The following SPECC1 variants were observed in gnomAD, a reference collection of about 807,000 sequenced individuals.
SPECC1 encodes the protein sperm antigen with calponin homology and coiled-coil domains 1.
Under a neutral mutation model 104.1 loss-of-function variants are expected in SPECC1, and 62 were observed. The ratio of observed to expected loss-of-function variants is 0.60; its 90% CI spans 0.49 to 0.74. The LOEUF is 0.74. SPECC1 is among the 30% of genes least tolerant of loss of function. SPECC1 has a pLI of 0.00. For missense variants in SPECC1, 1,306 were observed against 1,310.5 expected, an observed-to-expected ratio of 1.00 and a Z score of 0.05; for synonymous variants, 513 against 501.6, an observed-to-expected ratio of 1.02 and a Z score of -0.30.
chr17:20,301,025 G>A (rs2041558860), intron 13 of SPECC1, among the ~76,000 whole-genome samples: 1 of 152,080 alleles, frequency 6.6e-6, no homozygotes, highest in African/African-American at 2.4e-5. Flanking sequence ...TTTCCTAAAT[G>A]CCCCATCCTG....
intron 5 of SPECC1, among the ~76,000 whole-genome samples, chr17:20,228,660 TC>T (rs1373161926): frequency 6.6e-6 from 1 of 152,204 alleles, no homozygotes; most frequent in African/African-American, 2.4e-5. Flanking sequence ...CCCGCATGTG[TC>T]CCATTGGTGG....
chr17:20,293,097 T>C (rs2041227113), intron 12 of SPECC1, among the ~76,000 whole-genome samples: 2 of 152,198 alleles, frequency 1.3e-5, no homozygotes, highest in Non-Finnish European at 2.9e-5. Flanking sequence ...CCATCTCTTT[T>C]GACCTCAGTT....
intron 9 of SPECC1, 72 bp from the exon 10 acceptor site, chr17:20,253,433 C>A: frequency 1.4e-6 from 2 of 1,459,298 alleles, no homozygotes; most frequent in Non-Finnish European, 9.6e-7. Flanking sequence ...CGCATGCACA[C>A]ACACACATCT....
At chr17:20,185,470 A>C (rs143648839) in intron 3 of SPECC1, among the ~76,000 whole-genome samples, 1 of 152,368 alleles carries the variant, frequency 6.6e-6, no homozygotes, top group African/African-American at 2.4e-5. Context: ...TCCAGCCCAC[A>C]GTCCGTGGAG....
intron 1 of SPECC1, among the ~76,000 whole-genome samples, chr17:20,049,841 G>A (rs1283077010): frequency 1.3e-5 from 2 of 149,028 alleles, no homozygotes; most frequent in Non-Finnish European, 3.0e-5. Flanking sequence ...TAATTTTTTT[G>A]AGTTGAAGTT....
At chr17:20,098,992 G>C (rs868469234) in intron 2 of SPECC1, among the ~76,000 whole-genome samples, 8 of 152,272 alleles carry the variant, frequency 5.3e-5, no homozygotes, top group Middle Eastern at 3.4e-3. Flanking sequence ...GAGGAGCTTG[G>C]GGGCGTGGGG....
intron 12 of SPECC1, among the ~76,000 whole-genome samples, chr17:20,284,789 C>G (rs1240064386): frequency 6.6e-6 from 1 of 152,196 alleles, no homozygotes; most frequent in African/African-American, 2.4e-5. Context: ...TGGGAAAACC[C>G]CAGAGAGATT....
chr17:20,134,180 C>T (rs187715746), intron 3 of SPECC1, among the ~76,000 whole-genome samples: 2 of 151,316 alleles, frequency 1.3e-5, no homozygotes, highest in Non-Finnish European at 1.5e-5. Flanking sequence ...TAAAGCCACA[C>T]CTCCAATTTC....
At chr17:20,310,983 T>C (rs1337864288) in intron 14 of SPECC1, among the ~76,000 whole-genome samples, 1 of 152,120 alleles carries the variant, frequency 6.6e-6, no homozygotes, top group Non-Finnish European at 1.5e-5. Flanking sequence ...ACATGGCTTA[T>C]GAGCGGGAAA....
chr17:20,069,903 A>C (rs1030518467), intron 1 of SPECC1, among the ~76,000 whole-genome samples: 2 of 152,104 alleles, frequency 1.3e-5, no homozygotes, highest in Non-Finnish European at 2.9e-5. Flanking sequence ...GTTTCTGAGT[A>C]TATTTGGATT....
chr17:20,160,738 C>A (rs571559068), intron 3 of SPECC1, among the ~76,000 whole-genome samples: 2 of 152,214 alleles, frequency 1.3e-5, no homozygotes, highest in African/African-American at 4.8e-5. Context: ...ATGGTAGTTA[C>A]CTCTACAATT....
intron 1 of SPECC1, among the ~76,000 whole-genome samples, chr17:20,065,550 C>T (rs1165846282): frequency 6.6e-6 from 1 of 152,212 alleles, no homozygotes; most frequent in Non-Finnish European, 1.5e-5. Flanking sequence ...CACGCCTTCC[C>T]TGGGTGCACT....
At position 20,247,206 on chromosome 17, in the gene SPECC1, T is replaced by G. The variant is rs1458065099; in HGVS notation, c.2498-13T>G. 2 of 1,600,900 alleles carry G rather than the reference T, an allele frequency of 1.2e-6. No individual in the cohort carries two copies. The highest frequency in any genetic ancestry group is 1.7e-5 in the Admixed American group (1 of 58,522). On this transcript the variant is annotated splice_polypyrimidine_tract_variant and intron_variant, in intron 8 of 14. Transcript: ENST00000395527. ...GAACAACATATAAATGTTCCCATGT[T>G]TTTTCTTGGCAGGTGGAGCTGGACA...
intron 3 of SPECC1, among the ~76,000 whole-genome samples, chr17:20,129,270 C>T (rs1346349217): frequency 1.3e-5 from 2 of 151,508 alleles, no homozygotes; most frequent in African/African-American, 4.9e-5. Context: ...CTGCAAGCTC[C>T]GCCTCCCGGG....
At chr17:20,126,134 C>T (rs2049292397) in intron 3 of SPECC1, among the ~76,000 whole-genome samples, 1 of 152,114 alleles carries the variant, frequency 6.6e-6, no homozygotes, top group Admixed American at 6.5e-5. Context: ...CTCTCCAGTT[C>T]TCCATGTCCT....
intron 4 of SPECC1, among the ~76,000 whole-genome samples, chr17:20,220,165 T>C (rs1021386772): frequency 5.3e-5 from 8 of 152,306 alleles, no homozygotes; most frequent in African/African-American, 1.7e-4. Flanking sequence ...TCTGGGTCTT[T>C]TGTGGTTCCA....
chr17:20,180,612 A>G (rs2034813604), intron 3 of SPECC1, among the ~76,000 whole-genome samples: 1 of 152,224 alleles, frequency 6.6e-6, no homozygotes, highest in Non-Finnish European at 1.5e-5. Context: ...TGTGAATTAT[A>G]TGGTGAGAGA....
chr17:20,241,523 C>T (rs1047403428), intron 7 of SPECC1, among the ~76,000 whole-genome samples: 5 of 152,118 alleles, frequency 3.3e-5, no homozygotes, highest in African/African-American at 1.2e-4. Context: ...TGAGGGAAAG[C>T]CCTTGGTATT....
chr17:20,094,499 C>G (rs2047552950), intron 1 of SPECC1, among the ~76,000 whole-genome samples: 1 of 152,084 alleles, frequency 6.6e-6, no homozygotes, highest in Non-Finnish European at 1.5e-5. Flanking sequence ...GGAAAACATC[C>G]ACCCTCTTCC....
Sources: gnomAD v4.1 joint callset for allele counts (sites outside exome capture counted in the v4.1 genomes callset) on GRCh38, gnomAD v4.1.1 for gene constraint, MANE v1.5 for transcripts, NCBI Gene and HGNC (gene_info 2026-07-23, HGNC 2026-07-21) for gene names.